Variants in MAGI2 observed in about 807,000 individuals in gnomAD.
The protein encoded by MAGI2 is membrane-associated guanylate kinase, WW and PDZ domain-containing protein 2.
In MAGI2, 35 loss-of-function variants were observed where a neutral mutation model predicts 133.3. The ratio of observed to expected loss-of-function variants is 0.26; its 90% CI spans 0.20 to 0.35. The LOEUF is 0.35. Ranked by LOEUF, MAGI2 falls within the 10% of genes least tolerant of loss-of-function variation. The pLI is 1.00. For missense variants in MAGI2, 1,636 were observed against 1,863.4 expected (o/e 0.88, Z 2.25); for synonymous variants, 729 against 710.6 (o/e 1.03, Z -0.41).
chr7:78,945,174 G>A (rs1801317150), intron 2 of MAGI2, among the ~76,000 whole-genome samples: 1 of 151,926 alleles, frequency 6.6e-6, no homozygotes, highest in Admixed American at 6.6e-5. Context: ...CAATTCTCCT[G>A]CTTCAGCCTC....
At chr7:78,472,469 G>A (rs913256796) in intron 6 of MAGI2, among the ~76,000 whole-genome samples, 3 of 151,878 alleles carry the variant, frequency 2.0e-5, no homozygotes, top group African/African-American at 7.3e-5. Context: ...GGCAGTAAAG[G>A]AGCCAATGAA....
At chr7:78,555,895 C>G (rs1406593061) in intron 3 of MAGI2, among the ~76,000 whole-genome samples, 1 of 152,170 alleles carries the variant, frequency 6.6e-6, no homozygotes, top group African/African-American at 2.4e-5. Flanking sequence ...CTAACCACTA[C>G]TGGGTGGACT....
At chr7:78,539,035 A>G (rs1019244965) in intron 3 of MAGI2, among the ~76,000 whole-genome samples, 2 of 152,214 alleles carry the variant, frequency 1.3e-5, no homozygotes, top group South Asian at 4.1e-4. Context: ...TATGTTGAAT[A>G]ATGGCTAGCC....
At chr7:79,043,618 T>C (rs1811892578) in intron 1 of MAGI2, among the ~76,000 whole-genome samples, 1 of 150,284 alleles carries the variant, frequency 6.7e-6, no homozygotes, top group Non-Finnish European at 1.5e-5. Context: ...AAAGTTGGTC[T>C]TTGAAAGAAT....
intron 1 of MAGI2, among the ~76,000 whole-genome samples, chr7:79,330,751 A>C (rs1840020764): frequency 6.6e-6 from 1 of 152,142 alleles, no homozygotes; most frequent in South Asian, 2.1e-4. Flanking sequence ...TGTGAGGATT[A>C]AATTATACAT....
intron 10 of MAGI2, among the ~76,000 whole-genome samples, chr7:78,238,495 G>A (rs1401727581): frequency 6.6e-6 from 1 of 151,708 alleles, no homozygotes; most frequent in Admixed American, 6.6e-5. Flanking sequence ...GAGCCCAGGA[G>A]TTCGAGGCTA....
At chr7:78,751,274 G>C (rs1031906763) in intron 2 of MAGI2, among the ~76,000 whole-genome samples, 1 of 152,118 alleles carries the variant, frequency 6.6e-6, no homozygotes, top group Non-Finnish European at 1.5e-5. Flanking sequence ...ATATTTTCCA[G>C]CAAAATAATT....
rs904944503 is a variant in MAGI2, at chr7:79,292,092, G to A, written c.301+160928C>T. ...AGTTAATTTTTATATGTGATGTGAC[G>A]CAGGGGTCCAGCAGCTTCATTTTTT... On this transcript the variant is annotated intron_variant, in intron 1 of 21. Coordinates refer to ENST00000354212, the MANE Select transcript of MAGI2 (RefSeq NM_012301.4). 5.9e-5 allele frequency among the ~76,000 whole-genome samples: 9 copies of A among 152,140 alleles called. No individual in the cohort carries two copies. The South Asian group carries it at 6.2e-4, about 11-fold the overall frequency.
intron 2 of MAGI2, among the ~76,000 whole-genome samples, chr7:78,638,480 C>T (rs1217575322): frequency 6.6e-6 from 1 of 152,140 alleles, no homozygotes; most frequent in African/African-American, 2.4e-5. Context: ...ATGATATTTC[C>T]ATCTTTACCT....
intron 2 of MAGI2, among the ~76,000 whole-genome samples, chr7:78,994,104 C>A (rs143770458): frequency 6.6e-6 from 1 of 152,074 alleles, no homozygotes; most frequent in African/African-American, 2.4e-5. Context: ...CATATTATTG[C>A]GCCCAAAGAA....
At chr7:78,631,040 A>T (rs1302064935) in intron 2 of MAGI2, among the ~76,000 whole-genome samples, 1 of 152,082 alleles carries the variant, frequency 6.6e-6, no homozygotes, top group Non-Finnish European at 1.5e-5. Flanking sequence ...GGCTGAGCAC[A>T]TCTGTTGGAA....
chr7:78,281,713 T>A (rs1795602456), intron 9 of MAGI2, among the ~76,000 whole-genome samples: 1 of 110,436 alleles, frequency 9.1e-6, no homozygotes, highest in Admixed American at 9.6e-5. Context: ...ACTCACTCTC[T>A]GTATTCAGAA....
chr7:79,212,659 A>G (rs1298749292), intron 1 of MAGI2, among the ~76,000 whole-genome samples: 5 of 152,076 alleles, frequency 3.3e-5, no homozygotes, highest in Admixed American at 3.3e-4. Context: ...CTGTTCTGTT[A>G]GAGGAGCTTG....
chr7:78,840,171 G>T (rs2151460906), intron 2 of MAGI2, among the ~76,000 whole-genome samples: 1 of 151,988 alleles, frequency 6.6e-6, no homozygotes, highest in East Asian at 1.9e-4. Context: ...TACCAAGTGG[G>T]AATTACCAAA....
chr7:79,055,285 C>CTTT (rs11421346), intron 1 of MAGI2, among the ~76,000 whole-genome samples: 1 of 148,422 alleles, frequency 6.7e-6, no homozygotes, highest in Admixed American at 6.7e-5. Flanking sequence ...AAGGGCATGC[C>CTTT]TTTTTTTTTT....
intron 9 of MAGI2, among the ~76,000 whole-genome samples, chr7:78,323,946 T>A (rs1401947418): frequency 6.6e-6 from 1 of 152,272 alleles, no homozygotes; most frequent in East Asian, 1.9e-4. Flanking sequence ...AATAAACCCA[T>A]GCTGGTATGA....
intron 2 of MAGI2, among the ~76,000 whole-genome samples, chr7:78,797,932 T>C (rs754962320): frequency 1.3e-5 from 2 of 152,094 alleles, no homozygotes; most frequent in Admixed American, 6.5e-5. Context: ...ATAATGTCCA[T>C]TCTAATTCCA....
At chr7:78,304,412 C>G (rs747432130) in intron 9 of MAGI2, among the ~76,000 whole-genome samples, 5 of 152,130 alleles carry the variant, frequency 3.3e-5, no homozygotes, top group Non-Finnish European at 7.4e-5. Context: ...TTGCTCTTTC[C>G]TTTTACTTAG....
rs79974491 is a variant in MAGI2 at position 78,102,045 on chromosome 7, C to A, written c.3568-22960G>T. 9.7e-3 allele frequency among the ~76,000 whole-genome samples: 1,479 copies of A among 152,206 alleles called. 26 individuals carry two copies. The highest frequency in any genetic ancestry group is 0.034 in the African/African-American group (1,411 of 41,530). The stretch of plus-strand genomic sequence containing the variant: ...GACTTCAACCATCAGGAAATCCTGC[C>A]ATTTGTGACAATGTGAATGAACTTG... On this transcript the variant is annotated intron_variant, in intron 20 of 21. Transcript: ENST00000354212.
Sources: allele counts gnomAD v4.1 joint callset (sites outside exome capture counted in the v4.1 genomes callset), GRCh38; gene constraint gnomAD v4.1.1; transcripts MANE v1.5; gene names NCBI Gene and HGNC (gene_info 2026-07-23, HGNC 2026-07-21).